The following RNFT2 variants were observed in gnomAD, a reference collection of about 807,000 sequenced individuals.
RNFT2 encodes E3 ubiquitin-protein ligase RNFT2.
In RNFT2, 36 loss-of-function variants were observed where a neutral mutation model predicts 53.0. The observed-to-expected ratio is 0.68, with a 90% CI of 0.52 to 0.90. RNFT2 has a LOEUF of 0.90. Ranked by LOEUF, RNFT2 falls within the 40% of genes least tolerant of loss-of-function variation. The probability of loss-of-function intolerance (pLI) is 0.00; values close to 1 mark genes in which losing one functional copy is unlikely to be tolerated. For synonymous variants in RNFT2, 260 were observed against 253.2 expected (o/e 1.03, Z -0.26); for missense variants, 514 against 585.6 (o/e 0.88, Z 1.26).
chr12:116,851,808 G>C lies in RNFT2; in HGVS notation c.*2360G>C, dbSNP rs903775. 0.68 allele frequency: 696,200 copies of C among 1,018,596 alleles called. 252,723 individuals are homozygous for C. The highest frequency in any genetic ancestry group is 0.78 in the Admixed American group (39,474 of 50,290). The allele number at this position is 1,018,596 out of a possible 1,614,324, so 63.1% of individuals were successfully genotyped here. A position where few individuals can be genotyped will look rare whatever the true frequency, so the allele number is the denominator to read the frequency against. On this transcript the variant is annotated 3_prime_UTR_variant, in exon 11 of 11. Transcript: ENST00000257575. ...GAAGGAAGGAAGGAAAGAAAGAAAG[G>C]TCAGCTTTGGCCCAGATGTGGTTAC...
rs1317829414 is a variant in RNFT2, at chr12:116,779,236, T to C, written c.770T>C (p.Phe257Ser). 1.1e-5 allele frequency: 17 copies of C among 1,613,998 alleles called. No homozygotes were observed. Among genetic ancestry groups the C allele is most frequent in the Non-Finnish European group, 1.4e-5 (16 of 1,179,874 alleles). ...LKPNLEMLDF[F>S]DLLWIVGIAD... ...CCCAACCTGGAGATGCTGGACTTCT[T>C]TGACCTGCTATGGATTGTGGGGATC... is the stretch of plus-strand genomic sequence containing the variant. Residue 257 changes from phenylalanine (F) to serine (S), a missense_variant, in exon 7 of 11, where the codon TTT becomes TCT. By Grantham distance (155) the Phe-to-Ser change is radical. This residue lies in a region of RNFT2 where 273 missense variants were observed against 334.4 expected (regional missense o/e 0.82). Coordinates refer to ENST00000257575, the MANE Select transcript of RNFT2 (RefSeq NM_001382266.1).
chr12:116,765,381 T>G (rs1872863886), intron 5 of RNFT2, among the ~76,000 whole-genome samples: 1 of 152,206 alleles, frequency 6.6e-6, no homozygotes, highest in African/African-American at 2.4e-5. Context: ...GATGCATTTG[T>G]TTCGTCCACT....
chr12:116,827,231 A>AAG lies in RNFT2; in HGVS notation c.883-6560_883-6559insGA, dbSNP rs1555209204. ...TGAGACTCCATCTCAAAAAAAAAAA[A>AAG]AAAGAAAGAAAGAAAGAAAGGAGTG... On this transcript the variant is annotated intron_variant, in intron 7 of 10. Transcript: ENST00000257575. Among the ~76,000 whole-genome samples, 445 of 147,732 alleles carry AAG rather than the reference A, an allele frequency of 3.0e-3. 6 individuals carry two copies. Among genetic ancestry groups the AAG allele is most frequent in the African/African-American group, 0.011 (425 of 37,860 alleles).
At chr12:116,784,290 A>G (rs1387938249) in intron 7 of RNFT2, among the ~76,000 whole-genome samples, 1 of 152,210 alleles carries the variant, frequency 6.6e-6, no homozygotes, top group Non-Finnish European at 1.5e-5. Flanking sequence ...GGTAGGCAGC[A>G]TCCGCCGCAC....
intron 6 of RNFT2, among the ~76,000 whole-genome samples, chr12:116,769,506 C>T (rs897498070): frequency 2.6e-5 from 4 of 152,054 alleles, no homozygotes; most frequent in East Asian, 3.9e-4. Context: ...TCTGACCCCA[C>T]GTAGGGTGAG....
At chr12:116,837,166 C>T (rs1411131371) in intron 10 of RNFT2, among the ~76,000 whole-genome samples, 1 of 152,190 alleles carries the variant, frequency 6.6e-6, no homozygotes, top group Non-Finnish European at 1.5e-5. Flanking sequence ...ATCCCTCCTC[C>T]TCCTCCTGAC....
At chr12:116,785,808 G>A (rs1423857154) in intron 7 of RNFT2, among the ~76,000 whole-genome samples, 1 of 152,126 alleles carries the variant, frequency 6.6e-6, no homozygotes, top group Non-Finnish European at 1.5e-5. Context: ...CAGCACTTTG[G>A]GAGGCCAAGA....
chr12:116,835,355 C>G (rs952841777), intron 8 of RNFT2, among the ~76,000 whole-genome samples: 1 of 152,204 alleles, frequency 6.6e-6, no homozygotes, highest in African/African-American at 2.4e-5. Flanking sequence ...TGTTAAATTG[C>G]ACACCCTCAA....
At chr12:116,818,056 T>G (rs1875781724) in intron 7 of RNFT2, among the ~76,000 whole-genome samples, 1 of 152,228 alleles carries the variant, frequency 6.6e-6, no homozygotes, top group African/African-American at 2.4e-5. Context: ...CTCTGTGGGA[T>G]GGACATTTGA....
chr12:116,827,607 T>G (rs1191237842), intron 7 of RNFT2, among the ~76,000 whole-genome samples: 1 of 152,224 alleles, frequency 6.6e-6, no homozygotes, highest in Non-Finnish European at 1.5e-5. Context: ...AAATAAAGTT[T>G]TATTGGAACA....
chr12:116,756,095 T>C (rs1347130107), intron 5 of RNFT2, among the ~76,000 whole-genome samples: 1 of 152,146 alleles, frequency 6.6e-6, no homozygotes, highest in Non-Finnish European at 1.5e-5. Context: ...TTTCTAATTC[T>C]GTGAAGAATG....
intron 7 of RNFT2, among the ~76,000 whole-genome samples, chr12:116,790,992 C>G (rs1371982439): frequency 6.6e-6 from 1 of 152,130 alleles, no homozygotes; most frequent in Non-Finnish European, 1.5e-5. Context: ...AAAAATAAAC[C>G]ATTAATCATT....
intron 6 of RNFT2, among the ~76,000 whole-genome samples, chr12:116,773,684 A>G (rs1487724607): frequency 6.6e-6 from 1 of 152,186 alleles, no homozygotes; most frequent in Non-Finnish European, 1.5e-5. Flanking sequence ...AACTACTTGG[A>G]AGAATCTGTA....
chr12:116,837,207 T>G (rs1877022105), intron 10 of RNFT2, among the ~76,000 whole-genome samples: 1 of 152,040 alleles, frequency 6.6e-6, no homozygotes, highest in African/African-American at 2.4e-5. Context: ...TCAGCAAATG[T>G]GTATTGGGGT....
intron 7 of RNFT2, among the ~76,000 whole-genome samples, chr12:116,796,799 C>A (rs1040294838): frequency 2.0e-5 from 3 of 152,164 alleles, no homozygotes; most frequent in Non-Finnish European, 4.4e-5. Context: ...GTTTTGGCTG[C>A]ATAACATTCT....
At chr12:116,783,308 C>T (rs1489257012) in intron 7 of RNFT2, among the ~76,000 whole-genome samples, 1 of 152,190 alleles carries the variant, frequency 6.6e-6, no homozygotes, top group African/African-American at 2.4e-5. Flanking sequence ...GCTTTGTGTG[C>T]CCCTACACTG....
intron 5 of RNFT2, among the ~76,000 whole-genome samples, chr12:116,761,807 A>C (rs1872699932): frequency 6.6e-6 from 1 of 152,044 alleles, no homozygotes; most frequent in African/African-American, 2.4e-5. Flanking sequence ...CCACCTGCAG[A>C]CCCTCAATTA....
At chr12:116,813,650 T>C (rs1381655149) in intron 7 of RNFT2, among the ~76,000 whole-genome samples, 2 of 152,264 alleles carry the variant, frequency 1.3e-5, no homozygotes, top group Admixed American at 1.3e-4. Context: ...GTCTCTTGTA[T>C]ATTTCATTTT....
intron 6 of RNFT2, among the ~76,000 whole-genome samples, chr12:116,778,670 C>T (rs1382978154): frequency 6.6e-6 from 1 of 152,122 alleles, no homozygotes; most frequent in African/African-American, 2.4e-5. Flanking sequence ...GCCAACATGG[C>T]GAAACCCTGT....
Sources: allele counts gnomAD v4.1 joint callset (sites outside exome capture counted in the v4.1 genomes callset), GRCh38; gene constraint gnomAD v4.1.1; regional missense constraint gnomAD v4.1.1; transcripts MANE v1.5; gene names NCBI Gene and HGNC (gene_info 2026-07-23, HGNC 2026-07-21).